ADGRL3: variants seen among roughly 807,000 people sequenced by gnomAD.
ADGRL3 encodes calcium-independent alpha-latrotoxin receptor 3.
Under a neutral mutation model 153.5 loss-of-function variants are expected in ADGRL3, and 62 were observed. That is an observed-to-expected ratio of 0.40 (90% CI 0.33 to 0.50). The LOEUF is 0.50. ADGRL3 is among the 20% of genes least tolerant of loss of function. ADGRL3 has a pLI of 0.47. For synonymous variants in ADGRL3, 710 were observed against 672.5 expected (o/e 1.06, Z -0.86); for missense variants, 1,641 against 1,859.4 (o/e 0.88, Z 2.16).
At chr4:61,995,305 A>G (rs2099117943) in intron 19 of ADGRL3, among the ~76,000 whole-genome samples, 1 of 151,790 alleles carries the variant, frequency 6.6e-6, no homozygotes, top group Admixed American at 6.6e-5. Context: ...TATTGTATTT[A>G]TTCATTACTT....
intron 1 of ADGRL3, among the ~76,000 whole-genome samples, chr4:61,331,596 A>C (rs2095574010): frequency 6.6e-6 from 1 of 152,052 alleles, no homozygotes; most frequent in African/African-American, 2.4e-5. Flanking sequence ...TTGATTGTAA[A>C]TTATTTTCCA....
At chr4:61,736,542 T>C (rs1206211867) in intron 8 of ADGRL3, among the ~76,000 whole-genome samples, 5 of 151,978 alleles carry the variant, frequency 3.3e-5, no homozygotes, top group African/African-American at 1.2e-4. Flanking sequence ...CCTGTAATCC[T>C]AGCTACTAGG....
intron 1 of ADGRL3, among the ~76,000 whole-genome samples, chr4:61,373,302 A>G (rs962745674): frequency 1.3e-5 from 2 of 152,246 alleles, no homozygotes; most frequent in Admixed American, 6.5e-5. Context: ...TTGATTTTTT[A>G]TTGTAATAAC....
intron 25 of ADGRL3, among the ~76,000 whole-genome samples, chr4:62,045,560 A>G (rs1025083053): frequency 2.0e-5 from 3 of 152,016 alleles, no homozygotes; most frequent in Admixed American, 6.6e-5. Context: ...TGATTCAGAA[A>G]GATTCAGATG....
intron 2 of ADGRL3, among the ~76,000 whole-genome samples, chr4:61,398,758 A>C (rs748470038): frequency 5.3e-5 from 8 of 151,396 alleles, no homozygotes; most frequent in Non-Finnish European, 8.9e-5. Flanking sequence ...CATAGTCTTG[A>C]AATAAGAACT....
intron 25 of ADGRL3, among the ~76,000 whole-genome samples, chr4:62,055,415 A>G (rs996168666): frequency 2.0e-5 from 3 of 151,846 alleles, no homozygotes; most frequent in Non-Finnish European, 4.4e-5. Flanking sequence ...ATGAAATTTA[A>G]TAGGCAGGTT....
intron 24 of ADGRL3, among the ~76,000 whole-genome samples, chr4:62,043,392 T>C (rs1166093971): frequency 6.6e-6 from 1 of 152,092 alleles, no homozygotes; most frequent in African/African-American, 2.4e-5. Flanking sequence ...TTTCGTTTAT[T>C]AGTTTTCTGT....
intron 9 of ADGRL3, among the ~76,000 whole-genome samples, chr4:61,888,300 T>C (rs1178271700): frequency 6.6e-6 from 1 of 152,244 alleles, no homozygotes; most frequent in Non-Finnish European, 1.5e-5. Flanking sequence ...AAAGCACTTA[T>C]AACACATAGT....
chr4:61,371,997 A>T (rs1394001446), intron 1 of ADGRL3, among the ~76,000 whole-genome samples: 1 of 152,054 alleles, frequency 6.6e-6, no homozygotes, highest in Non-Finnish European at 1.5e-5. Context: ...TCCATCGCTG[A>T]TACCCTTTCT....
intron 17 of ADGRL3, among the ~76,000 whole-genome samples, chr4:61,949,947 C>A (rs1451315118): frequency 1.3e-5 from 2 of 152,076 alleles, no homozygotes; most frequent in Non-Finnish European, 2.9e-5. Flanking sequence ...CTATAATTAT[C>A]TGGTACATAT....
In ADGRL3 at chr4:61,531,566, T is replaced by C. The variant is rs181325580; in HGVS notation, c.259+14048T>C. Among the ~76,000 whole-genome samples, 11 of 152,284 alleles carry C rather than the reference T, an allele frequency of 7.2e-5. No individual in the cohort carries two copies. The East Asian group carries it at 1.4e-3, about 19-fold the overall frequency. ...TTTCCTTCCTTCCGCAAGCATTTAC[T>C]ATGCACCTACTGTGTGTACATAAAT... is the stretch of plus-strand genomic sequence containing the variant. On this transcript the variant is annotated intron_variant, in intron 4 of 26. Coordinates refer to ENST00000683033, the MANE Select transcript of ADGRL3 (RefSeq NM_001387552.1).
intron 9 of ADGRL3, among the ~76,000 whole-genome samples, chr4:61,875,722 G>A (rs2098471032): frequency 6.6e-6 from 1 of 151,992 alleles, no homozygotes. Context: ...GTCTTCTTTC[G>A]AGGTCTACAA....
rs1561066971 is a variant in ADGRL3, at chr4:61,689,186, C to T, written c.583+12251C>T. Among the ~76,000 whole-genome samples the T allele has an allele frequency of 3.3e-5, 5 of 152,220 alleles. No homozygotes were observed. In the South Asian group the frequency reaches 1.0e-3, roughly 32 times the overall value. On this transcript the variant is annotated intron_variant, in intron 6 of 26. Coordinates refer to ENST00000683033, the MANE Select transcript of ADGRL3 (RefSeq NM_001387552.1). ...TGTCTTTTATTTTCTTACTTTCCTT[C>T]AACTGGTGTTAGCTTTTGGTACTAG...
intron 5 of ADGRL3, among the ~76,000 whole-genome samples, chr4:61,589,545 A>T (rs1051668720): frequency 6.6e-6 from 1 of 152,104 alleles, no homozygotes; most frequent in Non-Finnish European, 1.5e-5. Context: ...AATGGAAAAC[A>T]TGTTTTTTTA....
intron 6 of ADGRL3, among the ~76,000 whole-genome samples, chr4:61,686,830 CACTGTTCT>C (rs1483723590): frequency 6.6e-5 from 10 of 152,028 alleles, no homozygotes. Flanking sequence ...CTCTGGTAGT[CACTGTTCT>C]ACTCTTACCT....
chr4:61,753,484 T>G (rs758115804), intron 8 of ADGRL3, among the ~76,000 whole-genome samples: 2 of 152,162 alleles, frequency 1.3e-5, no homozygotes, highest in African/African-American at 2.4e-5. Context: ...GTCCAGGGCT[T>G]CTTTAGATAT....
At chr4:61,531,752 A>G (rs1335227032) in intron 4 of ADGRL3, among the ~76,000 whole-genome samples, 1 of 146,436 alleles carries the variant, frequency 6.8e-6, no homozygotes, top group Non-Finnish European at 1.5e-5. Flanking sequence ...TCCATGTATG[A>G]TGTACTCTAA....
intron 21 of ADGRL3, among the ~76,000 whole-genome samples, chr4:62,003,170 T>C (rs1179382292): frequency 1.3e-5 from 2 of 152,146 alleles, no homozygotes; most frequent in African/African-American, 4.8e-5. Flanking sequence ...GGCTTTGCTT[T>C]TCTGTATCCG....
chr4:61,831,024 G>A (rs1361479817), intron 9 of ADGRL3, among the ~76,000 whole-genome samples: 1 of 152,046 alleles, frequency 6.6e-6, no homozygotes, highest in East Asian at 1.9e-4. Context: ...AAATAGCTGG[G>A]ATTACAGGCA....
Sources: gnomAD v4.1 joint callset for allele counts (sites outside exome capture counted in the v4.1 genomes callset) on GRCh38, gnomAD v4.1.1 for gene constraint, MANE v1.5 for transcripts, NCBI Gene and HGNC (gene_info 2026-07-23, HGNC 2026-07-21) for gene names.